The following FRMD6 variants were observed in gnomAD, a reference collection of about 807,000 sequenced individuals.
The protein encoded by FRMD6 is FERM domain-containing protein 6.
In FRMD6, 37 loss-of-function variants were observed where a neutral mutation model predicts 73.2. That is an observed-to-expected ratio of 0.51 (90% confidence interval 0.39 to 0.66). The LOEUF is 0.66. Ranked by LOEUF, FRMD6 falls within the 30% of genes least tolerant of loss-of-function variation. The probability of loss-of-function intolerance (pLI) is 0.00; values close to 1 mark genes in which losing one functional copy is unlikely to be tolerated. For missense variants in FRMD6, 714 were observed against 780.5 expected, an observed-to-expected ratio of 0.91 and a Z score of 1.02; for synonymous variants, 273 against 282.2, an observed-to-expected ratio of 0.97 and a Z score of 0.33.
At chr14:51,409,239 CAAT>C in the FRMD6 span, among the ~76,000 whole-genome samples, 1 of 151,924 alleles carries the variant, frequency 6.6e-6, no homozygotes, top group Non-Finnish European at 1.5e-5. Flanking sequence ...ATAGGAAAAC[CAAT>C]GCTCAGTTTC....
chr14:51,577,116 G>A lies in FRMD6; in HGVS notation c.-147+6706G>A, dbSNP rs148906944. The stretch of plus-strand genomic sequence containing the variant: ...TAACTGTTGCAAGGCATAGGTTTCA[G>A]CACGTTCTTTGTTTCTTCTGTTGGT... On this transcript the variant is annotated intron_variant, in intron 2 of 14. Coordinates refer to the FRMD6 transcript ENST00000356218. 1.4e-4 allele frequency among the ~76,000 whole-genome samples: 22 copies of A among 152,266 alleles called. No individual in the cohort carries two copies. The East Asian group carries it at 4.2e-3, about 29-fold the overall frequency.
chr14:51,441,794 T>TA, the FRMD6 span, among the ~76,000 whole-genome samples: 20 of 152,338 alleles, frequency 1.3e-4, no homozygotes, highest in South Asian at 8.3e-4. Flanking sequence ...GAAAAACATT[T>TA]AAAAAATCTT....
At chr14:51,648,943 T>G (rs1892200450), upstream of FRMD6, among the ~76,000 whole-genome samples, 2 of 152,234 alleles carry the variant, frequency 1.3e-5, no homozygotes, top group South Asian at 2.1e-4. Flanking sequence ...GTCCCATATT[T>G]AGAAAAACAT....
intron 2 of FRMD6, among the ~76,000 whole-genome samples, chr14:51,626,500 A>G (rs1382313308): frequency 2.0e-5 from 3 of 152,204 alleles, no homozygotes; most frequent in Non-Finnish European, 4.4e-5. Context: ...TTTCTTGTAA[A>G]TAGGAATAAG....
At chr14:51,531,284 A>G (rs1197951223) in intron 1 of FRMD6, among the ~76,000 whole-genome samples, 1 of 152,242 alleles carries the variant, frequency 6.6e-6, no homozygotes. Context: ...TGATGTGCTT[A>G]GAAAGGCACA....
intron 2 of FRMD6, among the ~76,000 whole-genome samples, chr14:51,692,521 ACAC>A (rs1895673233): frequency 6.6e-6 from 1 of 152,094 alleles, no homozygotes; most frequent in Non-Finnish European, 1.5e-5. Flanking sequence ...TTGTGGAACA[ACAC>A]CTTACCACAT....
At chr14:51,493,744 T>C (rs1883144830) in intron 1 of FRMD6, among the ~76,000 whole-genome samples, 1 of 152,262 alleles carries the variant, frequency 6.6e-6, no homozygotes, top group Non-Finnish European at 1.5e-5. Context: ...GGCCAATTCC[T>C]TATTATTGAG....
At chr14:51,663,879 G>C (rs961198185) in intron 1 of FRMD6, among the ~76,000 whole-genome samples, 3 of 152,244 alleles carry the variant, frequency 2.0e-5, no homozygotes, top group African/African-American at 7.2e-5. Context: ...AAGACAGAAA[G>C]CACAAGGGGC....
intron 2 of FRMD6, among the ~76,000 whole-genome samples, chr14:51,693,375 T>C (rs905588379): frequency 6.6e-6 from 1 of 152,206 alleles, no homozygotes; most frequent in Admixed American, 6.5e-5. Flanking sequence ...ATAATCTCTC[T>C]AACATGGTTA....
intron 1 of FRMD6, among the ~76,000 whole-genome samples, chr14:51,657,029 A>G (rs142214813): frequency 6.2e-4 from 94 of 152,322 alleles, no homozygotes; most frequent in African/African-American, 2.2e-3. Flanking sequence ...TTATAGCCAC[A>G]GTTTCATGTG....
chr14:51,435,224 A>G, the FRMD6 span, among the ~76,000 whole-genome samples: 1 of 152,190 alleles, frequency 6.6e-6, no homozygotes, highest in East Asian at 1.9e-4. Context: ...AACTGGGTAA[A>G]GCATATCAGG....
rs376840549 is a variant in FRMD6 at position 51,531,415 on chromosome 14, A to C, written c.-209-38933A>C. Reference sequence around the variant, plus strand: ...ACTGACCATTATTTTCAAAAGTATCAAGGTCCTGAAAGACTAGGACATATT... The same window carrying C: ...ACTGACCATTATTTTCAAAAGTATCCAGGTCCTGAAAGACTAGGACATATT... On this transcript the variant is annotated intron_variant, in intron 1 of 14. Transcript: ENST00000356218. 3.9e-5 allele frequency among the ~76,000 whole-genome samples: 6 copies of C among 152,348 alleles called. No individual in the cohort carries two copies. In the East Asian group the frequency reaches 1.2e-3, roughly 29 times the overall value.
intron 13 of FRMD6, 143 bp from the exon 14 acceptor site, chr14:51,727,602 C>T (rs1280210304): frequency 2.9e-6 from 2 of 698,168 alleles, no homozygotes; most frequent in East Asian, 2.7e-5. Context: ...TTTCCCCATA[C>T]AGCCCAGAAA....
At chr14:51,413,373 T>C in the FRMD6 span, among the ~76,000 whole-genome samples, 16 of 152,174 alleles carry the variant, frequency 1.1e-4, no homozygotes, top group African/African-American at 3.6e-4. Flanking sequence ...AGTGTTCTCA[T>C]TGTTCAGTTC....
At chr14:51,705,041 G>T in intron 6 of FRMD6, 106 bp downstream of exon 6, 2 of 1,004,650 alleles carry the variant, frequency 2.0e-6, no homozygotes, top group Non-Finnish European at 2.9e-6. Flanking sequence ...ATGTTCTGTG[G>T]CCAAATTCTT....
intron 1 of FRMD6, among the ~76,000 whole-genome samples, chr14:51,547,113 C>T (rs1238220331): frequency 6.6e-6 from 1 of 151,966 alleles, no homozygotes; most frequent in Non-Finnish European, 1.5e-5. Flanking sequence ...GGACACAAAC[C>T]TGTTGGCATT....
chr14:51,649,462 TA>T (rs1892234347), upstream of FRMD6: 1 of 152,238 alleles, frequency 6.6e-6, no homozygotes, highest in South Asian at 2.1e-4. Flanking sequence ...TGTTGTTGTT[TA>T]TCTGTTAGAT....
intron 1 of FRMD6, among the ~76,000 whole-genome samples, chr14:51,528,066 C>T (rs1300283991): frequency 1.3e-5 from 2 of 152,106 alleles, no homozygotes; most frequent in Non-Finnish European, 2.9e-5. Context: ...CATTTGAGCC[C>T]CAGAGGTGGA....
At chr14:51,493,705 A>G (rs1245731430) in intron 1 of FRMD6, among the ~76,000 whole-genome samples, 1 of 151,970 alleles carries the variant, frequency 6.6e-6, no homozygotes, top group East Asian at 1.9e-4. Context: ...CATTTACTAT[A>G]TGAATATAGT....
Sources: gnomAD v4.1 joint callset for allele counts (sites outside exome capture counted in the v4.1 genomes callset) on GRCh38, gnomAD v4.1.1 for gene constraint, MANE v1.5 for transcripts, NCBI Gene and HGNC (gene_info 2026-07-23, HGNC 2026-07-21) for gene names.